NUDT3: variants seen among roughly 807,000 people sequenced by gnomAD.
NUDT3 encodes diphosphoinositol polyphosphate phosphohydrolase 1.
In NUDT3, 9 loss-of-function variants were observed where a neutral mutation model predicts 23.6. The observed-to-expected ratio is 0.38, with a 90% confidence interval of 0.23 to 0.66. The LOEUF (loss-of-function observed/expected upper bound fraction) is 0.66, where lower values mean the gene tolerates loss of function less well. Among genes scored for constraint, NUDT3 ranks in the 30% least tolerant of loss-of-function variants. The pLI is 0.52. For missense variants in NUDT3, 172 were observed against 218.5 expected (o/e 0.79, Z 1.34); for synonymous variants, 86 against 82.6 (o/e 1.04, Z -0.22).
In NUDT3 at chr6:34,279,965, A is replaced by AT. The variant is rs1763263313; in HGVS notation, c.*8787dup. 1 of 152,158 alleles carries AT rather than the reference A, an allele frequency of 6.6e-6. No individual in the cohort carries two copies. The highest frequency in any genetic ancestry group is 2.4e-5 in the African/African-American group (1 of 41,384). The allele number at this position is 152,158 out of a possible 1,614,324, so 9.4% of individuals were successfully genotyped here. The stretch of plus-strand genomic sequence containing the variant: ...ACATTAGTAAAGTAGGGAAAGGGTT[A>AT]TATGTGTGGCTGGCCTGTTCTTTAG... On this transcript the variant is annotated 3_prime_UTR_variant, in exon 5 of 5. Coordinates refer to ENST00000607016, the MANE Select transcript of NUDT3 (RefSeq NM_006703.4).
chr6:34,391,427 C>T (rs1765196926), intron 1 of NUDT3, among the ~76,000 whole-genome samples: 1 of 152,166 alleles, frequency 6.6e-6, no homozygotes. Context: ...CCCTTCATCA[C>T]CACAGAAACG....
At chr6:34,371,893 C>G (rs1159207329) in intron 1 of NUDT3, among the ~76,000 whole-genome samples, 1 of 152,184 alleles carries the variant, frequency 6.6e-6, no homozygotes, top group Non-Finnish European at 1.5e-5. Flanking sequence ...TATCCCTCCC[C>G]TAACCCCACA....
intron 4 of NUDT3, among the ~76,000 whole-genome samples, chr6:34,292,082 G>A (rs79630933): frequency 0.095 from 14,390 of 152,202 alleles, 793 homozygotes; most frequent in Non-Finnish European, 0.12. Context: ...TATCACAAGT[G>A]TATGACTCCT....
chr6:34,354,923 T>C (rs986048556), intron 1 of NUDT3, among the ~76,000 whole-genome samples: 1 of 151,680 alleles, frequency 6.6e-6, no homozygotes, highest in African/African-American at 2.4e-5. Flanking sequence ...TAGTAGCTTT[T>C]TGGTGGATTC....
intron 2 of NUDT3, among the ~76,000 whole-genome samples, chr6:34,318,837 A>G (rs936511540): frequency 6.6e-6 from 1 of 152,144 alleles, no homozygotes; most frequent in Non-Finnish European, 1.5e-5. Context: ...TGCTGGGATT[A>G]TAGGTGTGAG....
rs115673870 is a variant in NUDT3, at chr6:34,340,546, T to C, written c.210+1316A>G. ...CCAGGATTCCCACGTCAATGTTCTT[T>C]TCATTACACCCTCTCTTGATTCCAT... On this transcript the variant is annotated intron_variant, in intron 2 of 4. Transcript: ENST00000607016. Among the ~76,000 whole-genome samples, 214 of 152,302 alleles carry C rather than the reference T, an allele frequency of 1.4e-3. 1 individual carries two copies. The highest frequency in any genetic ancestry group is 4.8e-3 in the African/African-American group (199 of 41,574).
chr6:34,305,219 T>C (rs1289309141), intron 2 of NUDT3, among the ~76,000 whole-genome samples: 2 of 152,066 alleles, frequency 1.3e-5, no homozygotes, highest in African/African-American at 4.8e-5. Context: ...TGACTTCAAG[T>C]GATCCACTCG....
chr6:34,330,866 T>C (rs530925040), intron 2 of NUDT3, among the ~76,000 whole-genome samples: 2 of 152,166 alleles, frequency 1.3e-5, no homozygotes, highest in Non-Finnish European at 2.9e-5. Context: ...AATAACTTCT[T>C]TTTTTTGAGA....
chr6:34,304,499 C>T (rs76668552), intron 2 of NUDT3, among the ~76,000 whole-genome samples: 2,510 of 152,166 alleles, frequency 0.016, 70 homozygotes, highest in African/African-American at 0.058. Flanking sequence ...AGGTATGTAA[C>T]TATCCTCCTC....
chr6:34,281,862 T>C lies in NUDT3; in HGVS notation c.*6891A>G, dbSNP rs1360543747. The C allele has an allele frequency of 6.6e-6, 1 of 152,226 alleles. No individual in the cohort carries two copies. The highest frequency in any genetic ancestry group is 2.4e-5 in the African/African-American group (1 of 41,462). 9.4% of individuals were successfully genotyped at this position (152,226 alleles called of 1,614,324 possible). A position where few individuals can be genotyped will look rare whatever the true frequency, so the allele number is the denominator to read the frequency against. ...GGGATGGGGTGAGCGGGCAGGTTTC[T>C]GTCTGTGAGCTATAGCTCCCTTCTG... On this transcript the variant is annotated 3_prime_UTR_variant, in exon 5 of 5. Transcript: ENST00000607016.
chr6:34,372,428 T>C (rs1320628926), intron 1 of NUDT3, among the ~76,000 whole-genome samples: 1 of 152,160 alleles, frequency 6.6e-6, no homozygotes, highest in East Asian at 1.9e-4. Context: ...TTTTTAATGA[T>C]TGCTATTCTA....
chr6:34,311,765 C>A (rs1004560409), intron 2 of NUDT3, among the ~76,000 whole-genome samples: 2 of 152,122 alleles, frequency 1.3e-5, no homozygotes, highest in African/African-American at 4.8e-5. Flanking sequence ...AATAGACCTA[C>A]ATCAATACAA....
Position 34,386,319 on chromosome 6 carries a change from T to C in NUDT3, c.99+5945A>G, listed in dbSNP as rs116477616. ...TACAACTTTTTAAGTGGGAAGTTTTTTCCTGTTAATTTTTGTTTGTCAACA... is the reference window on the plus strand; with the variant it reads ...TACAACTTTTTAAGTGGGAAGTTTTCTCCTGTTAATTTTTGTTTGTCAACA... On this transcript the variant is annotated intron_variant, in intron 1 of 4. Coordinates refer to ENST00000607016, the MANE Select transcript of NUDT3 (RefSeq NM_006703.4). 9.2e-3 allele frequency among the ~76,000 whole-genome samples: 1,396 copies of C among 152,346 alleles called. 13 individuals are homozygous for C. Among genetic ancestry groups the C allele is most frequent in the Middle Eastern group, 0.024 (7 of 294 alleles).
At chr6:34,373,922 G>C (rs1182716259) in intron 1 of NUDT3, among the ~76,000 whole-genome samples, 1 of 152,154 alleles carries the variant, frequency 6.6e-6, no homozygotes, top group African/African-American at 2.4e-5. Context: ...GGGAGGCCAA[G>C]GCGGGCGGAT....
At chr6:34,354,164 C>T (rs981245582) in intron 1 of NUDT3, among the ~76,000 whole-genome samples, 18 of 151,596 alleles carry the variant, frequency 1.2e-4, no homozygotes, top group Admixed American at 9.2e-4. Context: ...GTGACCCGCC[C>T]GCCTCGGCTT....
intron 1 of NUDT3, among the ~76,000 whole-genome samples, chr6:34,360,024 T>G (rs573078077): frequency 2.0e-5 from 3 of 151,182 alleles, no homozygotes; most frequent in African/African-American, 7.3e-5. Flanking sequence ...AGTCCAGGAG[T>G]TGGAGACCAG....
rs55915428 is a variant in NUDT3 at position 34,303,197 on chromosome 6, A to ATTT, written c.211-7515_211-7513dup. On this transcript the variant is annotated intron_variant, in intron 2 of 4. Coordinates refer to ENST00000607016, the MANE Select transcript of NUDT3 (RefSeq NM_006703.4). ...CAGATGCGTGTCACCATACCTGGCA[A>ATTT]TTTTTTTTTTTTTTTTTTTTTTTTT... Among the ~76,000 whole-genome samples, 118 of 74,560 alleles carry ATTT rather than the reference A, an allele frequency of 1.6e-3. 2 individuals carry two copies. Among genetic ancestry groups the ATTT allele is most frequent in the African/African-American group, 2.5e-3 (51 of 20,042 alleles). 48.9% of individuals were successfully genotyped at this position (74,560 alleles called of 152,430 possible). A position where few individuals can be genotyped will look rare whatever the true frequency, so the allele number is the denominator to read the frequency against.
intron 1 of NUDT3, among the ~76,000 whole-genome samples, chr6:34,377,676 T>C (rs370759290): frequency 1.2e-3 from 178 of 151,508 alleles, no homozygotes; most frequent in African/African-American, 4.2e-3. Context: ...CTACTGAAAA[T>C]ACAAAAATTG....
intron 2 of NUDT3, among the ~76,000 whole-genome samples, chr6:34,336,478 A>C (rs912276943): frequency 2.0e-5 from 3 of 151,898 alleles, no homozygotes; most frequent in African/African-American, 7.3e-5. Context: ...TCCCTTGTTG[A>C]ATGAGTATTT....
Sources: allele counts gnomAD v4.1 joint callset (sites outside exome capture counted in the v4.1 genomes callset), GRCh38; gene constraint gnomAD v4.1.1; transcripts MANE v1.5; gene names NCBI Gene and HGNC (gene_info 2026-07-23, HGNC 2026-07-21).